Variants in SEMA5A observed in about 807,000 individuals in gnomAD.
SEMA5A encodes semaphorin 5A.
In SEMA5A, 55 loss-of-function variants were observed where a neutral mutation model predicts 135.5. The ratio of observed to expected loss-of-function variants is 0.41; its 90% confidence interval spans 0.33 to 0.51. The LOEUF (loss-of-function observed/expected upper bound fraction) is 0.51. SEMA5A is among the 20% of genes least tolerant of loss of function. The pLI is 0.37. For missense variants in SEMA5A, 1,290 were observed against 1,419.9 expected (o/e 0.91, Z 1.47); for synonymous variants, 580 against 546.5 (o/e 1.06, Z -0.85).
At chr5:9,062,859 T>G (rs765435201) in intron 18 of SEMA5A, 28 bp downstream of exon 18, 2 of 1,611,204 alleles carry the variant, frequency 1.2e-6, no homozygotes, top group Non-Finnish European at 1.7e-6. Context: ...AGTTTTCAGA[T>G]GTTTTGTAGA....
chr5:9,222,224 G>A (rs918326840), intron 8 of SEMA5A, among the ~76,000 whole-genome samples: 1 of 152,186 alleles, frequency 6.6e-6, no homozygotes, highest in Non-Finnish European at 1.5e-5. Flanking sequence ...GGCTCAGCAG[G>A]GGGTGGAAGC....
intron 1 of SEMA5A, among the ~76,000 whole-genome samples, chr5:9,450,319 G>T (rs550774575): frequency 6.6e-6 from 1 of 152,296 alleles, no homozygotes; most frequent in East Asian, 1.9e-4. Flanking sequence ...CTTTGTAAAT[G>T]TCATGCTTAT....
At chr5:9,133,620 T>C (rs1270733289) in intron 13 of SEMA5A, among the ~76,000 whole-genome samples, 1 of 152,156 alleles carries the variant, frequency 6.6e-6, no homozygotes, top group Non-Finnish European at 1.5e-5. Flanking sequence ...GGAGGCAGCC[T>C]TGACACCATG....
intron 1 of SEMA5A, among the ~76,000 whole-genome samples, chr5:9,467,136 G>A (rs1355869704): frequency 6.6e-5 from 10 of 151,582 alleles, no homozygotes; most frequent in South Asian, 6.2e-4. Context: ...TTTTTGAGAC[G>A]GAGTCTCGCT....
At chr5:9,380,624 C>T (rs985226637) in intron 2 of SEMA5A, among the ~76,000 whole-genome samples, 3 of 152,122 alleles carry the variant, frequency 2.0e-5, no homozygotes, top group African/African-American at 7.2e-5. Flanking sequence ...GGCTAGAGAT[C>T]AAGTGTGAAT....
chr5:9,301,390 AC>A (rs1336121625), intron 5 of SEMA5A, among the ~76,000 whole-genome samples: 1 of 152,220 alleles, frequency 6.6e-6, no homozygotes, highest in African/African-American at 2.4e-5. Flanking sequence ...AAATCGTATT[AC>A]GCAAGCCCTT....
intron 11 of SEMA5A, among the ~76,000 whole-genome samples, chr5:9,183,611 C>G (rs774594811): frequency 1.3e-5 from 2 of 152,176 alleles, no homozygotes; most frequent in Non-Finnish European, 1.5e-5. Flanking sequence ...AGAGAACCTG[C>G]GGTTGAACTT....
intron 16 of SEMA5A, among the ~76,000 whole-genome samples, chr5:9,104,875 T>C (rs1739823191): frequency 6.6e-6 from 1 of 152,160 alleles, no homozygotes; most frequent in African/African-American, 2.4e-5. Flanking sequence ...GTGTTTTAAG[T>C]GTCTCATTCT....
chr5:9,181,137 T>A (rs1208497851), intron 11 of SEMA5A, among the ~76,000 whole-genome samples: 2 of 152,092 alleles, frequency 1.3e-5, no homozygotes, highest in African/African-American at 4.8e-5. Context: ...TCCGCTTTTT[T>A]CCCTGAGGTT....
At chr5:9,056,505 T>C (rs766353306) in intron 18 of SEMA5A, among the ~76,000 whole-genome samples, 1 of 152,202 alleles carries the variant, frequency 6.6e-6, no homozygotes, top group Non-Finnish European at 1.5e-5. Flanking sequence ...GCGGATCACC[T>C]GAGGCCAGGA....
intron 5 of SEMA5A, among the ~76,000 whole-genome samples, chr5:9,248,618 G>A (rs933787823): frequency 6.6e-6 from 1 of 151,664 alleles, no homozygotes; most frequent in African/African-American, 2.4e-5. Flanking sequence ...TTGAGATGGA[G>A]ACATTAATCT....
chr5:9,519,353 T>G (rs1035848247), intron 1 of SEMA5A, among the ~76,000 whole-genome samples: 2 of 152,186 alleles, frequency 1.3e-5, no homozygotes, highest in Non-Finnish European at 2.9e-5. Flanking sequence ...AATCTTAAGT[T>G]TAATACTGTT....
intron 16 of SEMA5A, among the ~76,000 whole-genome samples, chr5:9,074,957 A>G (rs1010360350): frequency 6.6e-6 from 1 of 152,190 alleles, no homozygotes; most frequent in Non-Finnish European, 1.5e-5. Flanking sequence ...CAATTTTCAG[A>G]ATGCTACAAG....
At chr5:9,381,194 C>G (rs1755592464) in intron 2 of SEMA5A, among the ~76,000 whole-genome samples, 1 of 151,956 alleles carries the variant, frequency 6.6e-6, no homozygotes. Context: ...AATAGTGTAC[C>G]TAGGAAACTA....
At chr5:9,272,299 C>T (rs555036411) in intron 5 of SEMA5A, among the ~76,000 whole-genome samples, 4 of 152,244 alleles carry the variant, frequency 2.6e-5, no homozygotes, top group South Asian at 2.1e-4. Flanking sequence ...AGCAAGGCCA[C>T]TGAAGCCAGA....
At chr5:9,246,107 T>C (rs190574275) in intron 5 of SEMA5A, among the ~76,000 whole-genome samples, 1 of 152,240 alleles carries the variant, frequency 6.6e-6, no homozygotes, top group South Asian at 2.1e-4. Flanking sequence ...ATTTCTAAGG[T>C]AAGGCTCATA....
At chr5:9,319,005 C>A (rs1210046676) in intron 4 of SEMA5A, among the ~76,000 whole-genome samples, 1 of 151,830 alleles carries the variant, frequency 6.6e-6, no homozygotes, top group Non-Finnish European at 1.5e-5. Context: ...CAGAGGTTGC[C>A]AGGCTCCTGG....
chr5:9,380,613 T>C (rs1246780042), intron 2 of SEMA5A, among the ~76,000 whole-genome samples: 1 of 152,226 alleles, frequency 6.6e-6, no homozygotes, highest in Non-Finnish European at 1.5e-5. Context: ...GCAAAATATC[T>C]GGCTAGAGAT....
Position 9,042,870 on chromosome 5 carries a change from T to C in SEMA5A, c.*27A>G. 6.2e-7 allele frequency: 1 copy of C among 1,613,508 alleles called. No individual in the cohort carries two copies. The highest frequency in any genetic ancestry group is 8.5e-7 in the Non-Finnish European group (1 of 1,179,682). ...CACAGGCCTTGAGGAACTGGGGATT[T>C]ACAAGAAGCCAAAAACATGAAAGCT... is the stretch of plus-strand genomic sequence containing the variant. On this transcript the variant is annotated 3_prime_UTR_variant, in exon 23 of 23. Transcript: ENST00000382496.
Sources: gnomAD v4.1 joint callset for allele counts (sites outside exome capture counted in the v4.1 genomes callset) on GRCh38, gnomAD v4.1.1 for gene constraint, MANE v1.5 for transcripts, NCBI Gene and HGNC (gene_info 2026-07-23, HGNC 2026-07-21) for gene names.